ABLIM3: variants seen among roughly 807,000 people sequenced by gnomAD.
ABLIM3 encodes actin binding LIM protein family member 3.
In ABLIM3, 61 loss-of-function variants were observed where a neutral mutation model predicts 109.5. That is an observed-to-expected ratio of 0.56 (90% CI 0.45 to 0.69). The LOEUF is 0.69. ABLIM3 is among the 30% of genes least tolerant of loss of function. ABLIM3 has a pLI of 0.00. For synonymous variants in ABLIM3, 300 were observed against 324.8 expected (o/e 0.92, Z 0.82); for missense variants, 796 against 889.5 (o/e 0.89, Z 1.34).
chr5:149,222,199 A>C (rs1760717770), intron 8 of ABLIM3, among the ~76,000 whole-genome samples: 1 of 151,838 alleles, frequency 6.6e-6, no homozygotes, highest in South Asian at 2.1e-4. Context: ...AGCATTTACT[A>C]TGTGCCAAGT....
At chr5:149,150,063 C>G (rs1753289758) in intron 2 of ABLIM3, among the ~76,000 whole-genome samples, 1 of 152,174 alleles carries the variant, frequency 6.6e-6, no homozygotes, top group African/African-American at 2.4e-5. Context: ...ATGGGTACCT[C>G]CCATTGGTCA....
intron 5 of ABLIM3, among the ~76,000 whole-genome samples, chr5:149,204,882 C>T (rs993837671): frequency 7.9e-5 from 12 of 152,228 alleles, no homozygotes; most frequent in African/African-American, 2.7e-4. Flanking sequence ...TACAGCTTAA[C>T]TCAAGGGGTT....
At chr5:149,213,326 T>C (rs1403136641) in intron 7 of ABLIM3, among the ~76,000 whole-genome samples, 3 of 152,092 alleles carry the variant, frequency 2.0e-5, no homozygotes, top group Non-Finnish European at 2.9e-5. Context: ...AGAAAGAGAC[T>C]GAGGAGGTAG....
chr5:149,198,426 T>C lies in ABLIM3; in HGVS notation c.335+24T>C. ...AGGTGAGTGGGCGACCAGCAGGGCCTGGGACCCTCTGCATAAGCCCCCGGG... is the reference window on the plus strand; with the variant it reads ...AGGTGAGTGGGCGACCAGCAGGGCCCGGGACCCTCTGCATAAGCCCCCGGG... On this transcript the variant is annotated intron_variant, in intron 4 of 23. Coordinates refer to ENST00000309868, the MANE Select transcript of ABLIM3 (RefSeq NM_014945.5). This position sits in a 1 kb window ranked among gnomAD's most constrained non-coding sequence, Gnocchi z 4.2. 6.3e-7 allele frequency: 1 copy of C among 1,582,938 alleles called. No individual in the cohort carries two copies. Among genetic ancestry groups the C allele is most frequent in the Non-Finnish European group, 8.6e-7 (1 of 1,165,304 alleles).
At chr5:149,143,584 T>C (rs1203133910) in intron 2 of ABLIM3, among the ~76,000 whole-genome samples, 3 of 113,702 alleles carry the variant, frequency 2.6e-5, no homozygotes, top group Non-Finnish European at 5.4e-5. Flanking sequence ...GAAAATAAAA[T>C]ATATTTATTT....
chr5:149,228,330 C>T (rs1458521438), intron 8 of ABLIM3, among the ~76,000 whole-genome samples: 1 of 152,084 alleles, frequency 6.6e-6, no homozygotes, highest in Non-Finnish European at 1.5e-5. Context: ...GGTAAAGACC[C>T]AGCCTTAGAA....
intron 18 of ABLIM3, among the ~76,000 whole-genome samples, chr5:149,248,886 A>G (rs1040073581): frequency 3.3e-4 from 39 of 118,898 alleles, no homozygotes; most frequent in Non-Finnish European, 5.2e-4. Context: ...ACACACACAC[A>G]CACACACACA....
intron 2 of ABLIM3, among the ~76,000 whole-genome samples, chr5:149,170,367 C>A (rs1341210792): frequency 6.6e-6 from 1 of 151,894 alleles, no homozygotes; most frequent in Non-Finnish European, 1.5e-5. Context: ...GGCTTAGCAA[C>A]CAGGTGGCTT....
chr5:149,186,823 T>C (rs937191470), intron 3 of ABLIM3, among the ~76,000 whole-genome samples: 1 of 151,660 alleles, frequency 6.6e-6, no homozygotes, highest in Non-Finnish European at 1.5e-5. Context: ...TATTGATACA[T>C]TTAAACAAGC....
chr5:149,169,547 C>T (rs567276861), intron 2 of ABLIM3, among the ~76,000 whole-genome samples: 41 of 152,150 alleles, frequency 2.7e-4, no homozygotes, highest in Non-Finnish European at 5.9e-4. Context: ...GATCAATTTT[C>T]GCCAAACAAG....
At chr5:149,172,719 T>C (rs1421124253) in intron 2 of ABLIM3, among the ~76,000 whole-genome samples, 6 of 152,230 alleles carry the variant, frequency 3.9e-5, no homozygotes, top group Non-Finnish European at 8.8e-5. Context: ...AGTAATTTTT[T>C]CCCCTTTAGG....
intron 10 of ABLIM3, among the ~76,000 whole-genome samples, chr5:149,236,603 A>G (rs1000585634): frequency 2.6e-5 from 4 of 152,012 alleles, no homozygotes; most frequent in Admixed American, 6.6e-5. Flanking sequence ...GCAGCTCTAG[A>G]GGGATGAACT....
intron 5 of ABLIM3, among the ~76,000 whole-genome samples, chr5:149,203,481 C>T (rs1208281116): frequency 6.6e-6 from 1 of 152,116 alleles, no homozygotes; most frequent in Non-Finnish European, 1.5e-5. Flanking sequence ...TCATGACCAA[C>T]ACCATTGACA....
intron 20 of ABLIM3, 118 bp from the exon 21 acceptor site, chr5:149,251,241 C>A: frequency 1.9e-6 from 2 of 1,055,946 alleles, no homozygotes; most frequent in Non-Finnish European, 2.9e-6. Context: ...GAGACAGAGG[C>A]TGCTGAGAAG....
At chr5:149,170,362 A>G (rs1247064038) in intron 2 of ABLIM3, among the ~76,000 whole-genome samples, 2 of 151,808 alleles carry the variant, frequency 1.3e-5, no homozygotes, top group African/African-American at 2.4e-5. Context: ...CTCTTGGCTT[A>G]GCAACCAGGT....
intron 2 of ABLIM3, among the ~76,000 whole-genome samples, chr5:149,160,037 T>G (rs1030154081): frequency 6.6e-6 from 1 of 152,210 alleles, no homozygotes; most frequent in African/African-American, 2.4e-5. Flanking sequence ...TGTCACACTT[T>G]GTAAATATCT....
intron 3 of ABLIM3, among the ~76,000 whole-genome samples, chr5:149,197,624 C>G (rs149238229): frequency 6.6e-6 from 1 of 152,250 alleles, no homozygotes; most frequent in East Asian, 1.9e-4. Flanking sequence ...CATTGCCATC[C>G]GAAGGTGTCT....
At chr5:149,256,134 G>A (rs906011877) in intron 23 of ABLIM3, among the ~76,000 whole-genome samples, 1 of 152,220 alleles carries the variant, frequency 6.6e-6, no homozygotes, top group African/African-American at 2.4e-5. Context: ...GGAGAAAGGA[G>A]GCCCCAGCTG....
At chr5:149,258,161 C>G in intron 23 of ABLIM3, 130 bp from the exon 24 acceptor site, 1 of 661,032 alleles carries the variant, frequency 1.5e-6, no homozygotes, top group Non-Finnish European at 2.6e-6. Context: ...GCTCAGGCAC[C>G]ATGCAAGGCA....
Sources: allele counts gnomAD v4.1 joint callset (sites outside exome capture counted in the v4.1 genomes callset), GRCh38; gene constraint gnomAD v4.1.1; non-coding constraint Gnocchi (gnomAD v3.1); transcripts MANE v1.5; gene names NCBI Gene and HGNC (gene_info 2026-07-23, HGNC 2026-07-21).